Variants in LHX8 observed in about 807,000 individuals in gnomAD.
LHX8 encodes LIM/homeobox protein Lhx8.
LHX8 carries 12 observed loss-of-function variants against 40.3 expected under a neutral mutation model. The ratio of observed to expected loss-of-function variants is 0.30; its 90% CI spans 0.19 to 0.48. The LOEUF is 0.48. LHX8 is among the 20% of genes least tolerant of loss of function. The pLI is 0.99. For synonymous variants in LHX8, 179 were observed against 162.0 expected, an observed-to-expected ratio of 1.10 and a Z score of -0.80; for missense variants, 344 against 433.7, an observed-to-expected ratio of 0.79 and a Z score of 1.84.
At chr1:75,161,596 A>T (rs1648920323), downstream of LHX8, 1 of 152,216 alleles carries the variant, frequency 6.6e-6, no homozygotes, top group South Asian at 2.1e-4. Context: ...AAAATCTAAC[A>T]ACTAATAAGT....
chr1:75,143,471 A>G, intron 5 of LHX8, 133 bp downstream of exon 5: 1 of 657,078 alleles, frequency 1.5e-6, no homozygotes, highest in Non-Finnish European at 2.6e-6. Context: ...TAAGTACTCT[A>G]CTGTTTGTGA....
At chr1:75,149,480 GTTTTGT>G (rs1208452180) in intron 7 of LHX8, among the ~76,000 whole-genome samples, 1 of 152,116 alleles carries the variant, frequency 6.6e-6, no homozygotes, top group Non-Finnish European at 1.5e-5. Flanking sequence ...ACGTAGTGTG[GTTTTGT>G]TGTTGTTGTT....
At chr1:75,166,959 G>T in the LHX8 span, among the ~76,000 whole-genome samples, 1 of 152,222 alleles carries the variant, frequency 6.6e-6, no homozygotes, top group Admixed American at 6.5e-5. Flanking sequence ...CAGGGGATAA[G>T]GTGTCGAAGT....
At chr1:75,197,388 A>G in the LHX8 span, among the ~76,000 whole-genome samples, 9 of 152,256 alleles carry the variant, frequency 5.9e-5, no homozygotes, top group South Asian at 2.1e-4. Flanking sequence ...AAAAATCTCT[A>G]CTTTGCTCTT....
intron 7 of LHX8, among the ~76,000 whole-genome samples, chr1:75,155,400 A>T (rs537832154): frequency 6.6e-6 from 1 of 151,976 alleles, no homozygotes; most frequent in Admixed American, 6.6e-5. Flanking sequence ...ATGCCTGGCT[A>T]ATTTTTTGTA....
At chr1:75,158,650 A>G (rs920399484) in intron 8 of LHX8, among the ~76,000 whole-genome samples, 3 of 152,174 alleles carry the variant, frequency 2.0e-5, no homozygotes, top group African/African-American at 2.4e-5. Context: ...CATATTTGCC[A>G]TAAATCAAAT....
chr1:75,166,907 G>A, the LHX8 span, among the ~76,000 whole-genome samples: 1 of 152,310 alleles, frequency 6.6e-6, no homozygotes, highest in South Asian at 2.1e-4. Flanking sequence ...CAGTCTACAG[G>A]AAATTCATGG....
the LHX8 span, among the ~76,000 whole-genome samples, chr1:75,177,549 G>T: frequency 6.6e-6 from 1 of 152,160 alleles, no homozygotes; most frequent in African/African-American, 2.4e-5. Flanking sequence ...TGCTGAAGTT[G>T]CTTATCAGCT....
chr1:75,184,625 G>A, the LHX8 span, among the ~76,000 whole-genome samples: 1 of 152,156 alleles, frequency 6.6e-6, no homozygotes, highest in Non-Finnish European at 1.5e-5. Flanking sequence ...GTAGTGGTAA[G>A]AGGGATATTT....
At chr1:75,179,714 G>C in the LHX8 span, among the ~76,000 whole-genome samples, 1 of 152,060 alleles carries the variant, frequency 6.6e-6, no homozygotes, top group African/African-American at 2.4e-5. Context: ...TGTTATGTGT[G>C]AATTTGATCC....
chr1:75,194,141 A>G, the LHX8 span, among the ~76,000 whole-genome samples: 1 of 152,232 alleles, frequency 6.6e-6, no homozygotes. Context: ...TTCACACAGC[A>G]TGAAACTATT....
chr1:75,136,497 T>G, intron 1 of LHX8, 106 bp from the exon 2 acceptor site: 1 of 865,020 alleles, frequency 1.2e-6, no homozygotes, highest in Non-Finnish European at 1.9e-6. Flanking sequence ...TGCCCCGCAC[T>G]CTGAGGGCCT....
the LHX8 span, among the ~76,000 whole-genome samples, chr1:75,185,354 C>A: frequency 1.3e-5 from 2 of 151,940 alleles, no homozygotes; most frequent in Non-Finnish European, 2.9e-5. Flanking sequence ...AAATCCTCAA[C>A]AAAATACTGA....
chr1:75,131,186 G>T, upstream of LHX8: 1 of 225,022 alleles, frequency 4.4e-6, no homozygotes, highest in South Asian at 6.8e-5. Context: ...GATCTCCACA[G>T]GTCTGACCCA....
chr1:75,137,331 A>G, intron 3 of LHX8, 70 bp downstream of exon 3: 1 of 1,463,958 alleles, frequency 6.8e-7, no homozygotes, highest in Non-Finnish European at 9.5e-7. Flanking sequence ...GAAAAGAGTA[A>G]TGTTCCTCCC....
rs551664529 is a variant in LHX8 at position 75,137,155 on chromosome 1, C to T, written c.131C>T (p.Ser44Phe). The T allele has an allele frequency of 6.2e-7, 1 of 1,612,934 alleles. No homozygotes were observed. The highest frequency in any genetic ancestry group is 8.5e-7 in the Non-Finnish European group (1 of 1,179,620). ...EDSCSSSAPL[S>F]PSSSPRSMAS... The stretch of plus-strand genomic sequence containing the variant: ...TCGTGCTCCTCCTCGGCCCCGCTGT[C>T]CCCGTCGTCCTCGCCCCGGTCCATG... The change falls in exon 3 of 9, where the codon TCC becomes TTC. Residue 44 changes from serine (S) to phenylalanine (F), a missense_variant. Ser to Phe is a radical substitution (Grantham distance 155, BLOSUM62 -2). Transcript: ENST00000356261.
At chr1:75,167,454 A>G in the LHX8 span, among the ~76,000 whole-genome samples, 6 of 152,262 alleles carry the variant, frequency 3.9e-5, no homozygotes, top group East Asian at 7.7e-4. Flanking sequence ...ACCATCTTTC[A>G]CTAGCTTTCC....
At chr1:75,186,163 A>G in the LHX8 span, among the ~76,000 whole-genome samples, 1 of 152,206 alleles carries the variant, frequency 6.6e-6, no homozygotes, top group South Asian at 2.1e-4. Context: ...ACTACCAATG[A>G]CATTCTTCAT....
At chr1:75,136,505 C>T in intron 1 of LHX8, 98 bp from the exon 2 acceptor site, 1 of 904,252 alleles carries the variant, frequency 1.1e-6, no homozygotes, top group Non-Finnish European at 1.8e-6. Context: ...ACTCTGAGGG[C>T]CTTCATTAGC....
Sources: gnomAD v4.1 joint callset for allele counts (sites outside exome capture counted in the v4.1 genomes callset) on GRCh38, gnomAD v4.1.1 for gene constraint, MANE v1.5 for transcripts, NCBI Gene and HGNC (gene_info 2026-07-23, HGNC 2026-07-21) for gene names.